The following AGBL4 variants were observed in gnomAD, a reference collection of about 807,000 sequenced individuals.
AGBL4 encodes cytosolic carboxypeptidase 6.
Under a neutral mutation model 66.4 loss-of-function variants are expected in AGBL4, and 58 were observed. That is an observed-to-expected ratio of 0.87 (90% CI 0.71 to 1.09). The LOEUF (loss-of-function observed/expected upper bound fraction) is 1.09. AGBL4 is among the 50% of genes least tolerant of loss of function. The pLI, the probability that AGBL4 is intolerant of heterozygous loss-of-function variation, is 0.00. For synonymous variants in AGBL4, 234 were observed against 222.9 expected (o/e 1.05, Z -0.44); for missense variants, 579 against 631.0 (o/e 0.92, Z 0.88).
At chr1:49,063,475 G>GCCTCCAACTGGCTCC (rs1644437895) in intron 4 of AGBL4, among the ~76,000 whole-genome samples, 23 of 152,284 alleles carry the variant, frequency 1.5e-4, no homozygotes, top group Admixed American at 7.2e-4. Flanking sequence ...AGCCACACTG[G>GCCTCCAACTGGCTCC]AGTTTAGAAG....
intron 4 of AGBL4, among the ~76,000 whole-genome samples, chr1:49,169,705 T>A (rs567146713): frequency 6.6e-6 from 1 of 152,312 alleles, no homozygotes; most frequent in African/African-American, 2.4e-5. Flanking sequence ...CCGGGCACCA[T>A]CTGCCTTACT....
chr1:48,835,166 T>C (rs1299727715), intron 6 of AGBL4, among the ~76,000 whole-genome samples: 2 of 152,120 alleles, frequency 1.3e-5, no homozygotes, highest in African/African-American at 4.8e-5. Context: ...CTAAATGGAC[T>C]TATGGGTTTG....
At chr1:49,420,415 T>C (rs1487318128) in intron 3 of AGBL4, among the ~76,000 whole-genome samples, 1 of 152,152 alleles carries the variant, frequency 6.6e-6, no homozygotes, top group Non-Finnish European at 1.5e-5. Context: ...AAGTGCTCTG[T>C]ATTGGCCGGG....
Position 48,752,970 on chromosome 1 carries a change from G to A in AGBL4, c.635-89729C>T, listed in dbSNP as rs61772571. 4.6e-5 allele frequency among the ~76,000 whole-genome samples: 7 copies of A among 151,908 alleles called. No individual in the cohort carries two copies. In the East Asian group the frequency reaches 5.8e-4, roughly 13 times the overall value. ...TCACCATGTTGGCCAGGATGGTCTC[G>A]ATCTCTTGACCTCGTGATCCGCCTG... On this transcript the variant is annotated intron_variant, in intron 6 of 13. Transcript: ENST00000371839.
intron 9 of AGBL4, among the ~76,000 whole-genome samples, chr1:48,619,782 T>G (rs940147244): frequency 6.6e-6 from 1 of 152,184 alleles, no homozygotes; most frequent in Admixed American, 6.5e-5. Context: ...AAGTGCCCTG[T>G]AGGATCAGCC....
intron 4 of AGBL4, among the ~76,000 whole-genome samples, chr1:49,076,034 G>A (rs1409972668): frequency 2.0e-5 from 3 of 152,176 alleles, no homozygotes; most frequent in Admixed American, 6.5e-5. Flanking sequence ...GCATAGAGTT[G>A]CAAAGTTTTC....
chr1:48,754,822 G>T (rs905578930), intron 6 of AGBL4, among the ~76,000 whole-genome samples: 16 of 152,226 alleles, frequency 1.1e-4, no homozygotes, highest in African/African-American at 3.4e-4. Context: ...ACACCCCCAT[G>T]TTGGGAAAAA....
intron 1 of AGBL4, among the ~76,000 whole-genome samples, chr1:49,934,999 C>T (rs1269037497): frequency 5.3e-5 from 8 of 152,198 alleles, no homozygotes; most frequent in African/African-American, 7.2e-5. Flanking sequence ...GTGGGTGCAG[C>T]GCACCGTGTG....
chr1:49,017,799 G>A (rs1018439547), intron 5 of AGBL4, among the ~76,000 whole-genome samples: 1 of 152,182 alleles, frequency 6.6e-6, no homozygotes, highest in Non-Finnish European at 1.5e-5. Context: ...CTTCCAGAGA[G>A]GGGGCAGGAG....
intron 3 of AGBL4, among the ~76,000 whole-genome samples, chr1:49,436,749 C>T (rs12037603): frequency 0.42 from 64,132 of 151,956 alleles, 16,048 homozygotes; most frequent in Non-Finnish European, 0.57. Context: ...GTTCCGACGA[C>T]AGCTTATTTA....
At chr1:49,314,993 C>T (rs973199922) in intron 3 of AGBL4, among the ~76,000 whole-genome samples, 1 of 151,898 alleles carries the variant, frequency 6.6e-6, no homozygotes, top group South Asian at 2.1e-4. Flanking sequence ...AATCACACTA[C>T]CTGACTTCAG....
intron 3 of AGBL4, among the ~76,000 whole-genome samples, chr1:49,484,441 A>G (rs1304124094): frequency 6.6e-6 from 1 of 152,112 alleles, no homozygotes; most frequent in East Asian, 1.9e-4. Flanking sequence ...AGATCTTTTC[A>G]TTTGTAACAA....
At chr1:49,711,907 A>T (rs765390588) in intron 2 of AGBL4, among the ~76,000 whole-genome samples, 5 of 152,032 alleles carry the variant, frequency 3.3e-5, no homozygotes, top group Admixed American at 2.0e-4. Context: ...AGACAACATG[A>T]GCTGTAAATC....
intron 3 of AGBL4, among the ~76,000 whole-genome samples, chr1:49,582,375 T>G (rs147145994): frequency 3.3e-5 from 5 of 152,086 alleles, no homozygotes; most frequent in Non-Finnish European, 7.4e-5. Flanking sequence ...GGCCAGCAAG[T>G]GCACATCCCA....
chr1:49,888,431 A>T (rs557558678), intron 1 of AGBL4, among the ~76,000 whole-genome samples: 1 of 152,290 alleles, frequency 6.6e-6, no homozygotes, highest in South Asian at 2.1e-4. Context: ...AAGAATCATG[A>T]CCTATTGAGT....
chr1:48,961,316 C>T (rs886769379), intron 5 of AGBL4, among the ~76,000 whole-genome samples: 1 of 152,172 alleles, frequency 6.6e-6, no homozygotes, highest in Non-Finnish European at 1.5e-5. Flanking sequence ...CCTGAAATGC[C>T]AGTCATTTTT....
chr1:48,536,878 G>A (rs1643980325), intron 12 of AGBL4, among the ~76,000 whole-genome samples: 1 of 152,174 alleles, frequency 6.6e-6, no homozygotes, highest in Non-Finnish European at 1.5e-5. Context: ...GGTCATCAAT[G>A]CCATGCCCCT....
chr1:49,494,844 C>T lies in AGBL4; in HGVS notation c.282+202469G>A, dbSNP rs961821051. On this transcript the variant is annotated intron_variant, in intron 3 of 13. Transcript: ENST00000371839. ...TTCTAGTTCTAGATCCCTGAGGAAT[C>T]GCCACACTGACTTCCCCAATGGTTG... Among the ~76,000 whole-genome samples, 38 of 152,112 alleles carry T rather than the reference C, an allele frequency of 2.5e-4. 1 individual carries two copies. The highest frequency in any genetic ancestry group is 8.7e-4 in the African/African-American group (36 of 41,538).
intron 4 of AGBL4, among the ~76,000 whole-genome samples, chr1:49,158,988 G>A (rs968583833): frequency 1.3e-5 from 2 of 148,580 alleles, no homozygotes; most frequent in African/African-American, 2.5e-5. Context: ...CCTGAATACA[G>A]CACACCGATG....
Sources: gnomAD v4.1 joint callset for allele counts (sites outside exome capture counted in the v4.1 genomes callset) on GRCh38, gnomAD v4.1.1 for gene constraint, MANE v1.5 for transcripts, NCBI Gene and HGNC (gene_info 2026-07-23, HGNC 2026-07-21) for gene names.